The following C1QTNF4 variants were observed in gnomAD, a reference collection of about 807,000 sequenced individuals.
C1QTNF4 encodes the protein C1q and TNF related 4.
A neutral mutation model predicts 14.6 loss-of-function variants in C1QTNF4; 12 were observed. The observed-to-expected ratio is 0.82, with a 90% CI of 0.53 to 1.33. The LOEUF is 1.33. Ranked by LOEUF, C1QTNF4 falls within the 40% of genes most tolerant of loss-of-function variation. The pLI is 0.00. For missense variants in C1QTNF4, 558 were observed against 500.3 expected (o/e 1.12, Z -1.10); for synonymous variants, 278 against 246.6 (o/e 1.13, Z -1.19).
At chr11:47,591,360 AG>A (rs2097275520) in intron 1 of C1QTNF4, among the ~76,000 whole-genome samples, 1 of 142,430 alleles carries the variant, frequency 7.0e-6, no homozygotes, top group Admixed American at 7.2e-5. Context: ...TACAGGCGTG[AG>A]CCATCGCGCC....
intron 1 of C1QTNF4, among the ~76,000 whole-genome samples, chr11:47,592,461 G>A (rs1214445680): frequency 1.3e-5 from 2 of 152,164 alleles, no homozygotes; most frequent in African/African-American, 2.4e-5. Context: ...TGCTTCTGTC[G>A]GTTGCCCTGA....
Position 47,590,303 on chromosome 11 carries a change from G to A in C1QTNF4, c.508C>T (p.Pro170Ser). ...GCCGAGCGCGGCTCGGGGGGCGCGG[G>A]CGGCCCGCGCGCAGGCGCGTCAGCG... is the stretch of plus-strand genomic sequence containing the variant. ...ADADAPARGP[P>S]APPEPRSAFS... Residue 170 changes from proline to serine, a missense_variant, in exon 2 of 2, where the codon CCC (proline) becomes TCC (serine). Transcript: ENST00000302514. 2 of 1,170,540 alleles carry A rather than the reference G, an allele frequency of 1.7e-6. No homozygotes were observed. Among genetic ancestry groups the A allele is most frequent in the East Asian group, 4.4e-5 (1 of 22,586 alleles). 72.5% of individuals were successfully genotyped at this position (1,170,540 alleles called of 1,614,324 possible). A position where few individuals can be genotyped will look rare whatever the true frequency, so the allele number is the denominator to read the frequency against.
intron 1 of C1QTNF4, among the ~76,000 whole-genome samples, chr11:47,592,293 C>A (rs1172829912): frequency 6.6e-6 from 1 of 152,178 alleles, no homozygotes; most frequent in East Asian, 1.9e-4. Flanking sequence ...CCTGGCTCTA[C>A]CACTCACACT....
chr11:47,590,009 C>T lies in C1QTNF4; in HGVS notation c.802G>A (p.Glu268Lys), dbSNP rs767479537. ...AGCATCACGCTCTGGCTCTGCATCTCGCGGCGCCGCGACGCGCCGTCGTCG... is the reference window on the plus strand; with the variant it reads ...AGCATCACGCTCTGGCTCTGCATCTTGCGGCGCCGCGACGCGCCGTCGTCG... ...IYDDGASRRR[E>K]MQSQSVMLAL... Residue 268 changes from glutamate (E) to lysine (K), a missense_variant, in exon 2 of 2, where the codon GAG becomes AAG. Transcript: ENST00000302514. 1.9e-6 allele frequency: 3 copies of T among 1,611,514 alleles called. No individual in the cohort carries two copies. In the Admixed American group the frequency reaches 5.0e-5, roughly 27 times the overall value.
chr11:47,591,509 C>T (rs1420530986), intron 1 of C1QTNF4, among the ~76,000 whole-genome samples: 1 of 151,998 alleles, frequency 6.6e-6, no homozygotes, highest in African/African-American at 2.4e-5. Context: ...CCGCCTCAGC[C>T]TCCCAAGTAG....
chr11:47,594,216 G>GCA lies in C1QTNF4; in HGVS notation c.-75_-74insTG, dbSNP rs1565950095. 6.6e-6 allele frequency: 1 copy of GCA among 152,052 alleles called. No homozygotes were observed. Among genetic ancestry groups the GCA allele is most frequent in the African/African-American group, 2.4e-5 (1 of 41,376 alleles). 9.4% of individuals were successfully genotyped at this position (152,052 alleles called of 1,614,324 possible). On this transcript the variant is annotated 5_prime_UTR_variant, in exon 1 of 2. Coordinates refer to ENST00000302514, the MANE Select transcript of C1QTNF4 (RefSeq NM_031909.3). Reference sequence around the variant, plus strand: ...GATCTGGCTCCGGGCTGCGGGCTGCGGGCTGCAGGCTGCAGGCTGCGGGTG... The same window carrying GCA: ...GATCTGGCTCCGGGCTGCGGGCTGCGCAGGCTGCAGGCTGCAGGCTGCGGGTG...
At position 47,590,712 on chromosome 11, in the gene C1QTNF4, C is replaced by A; in HGVS notation, c.99G>T (p.Ser33=). 6.2e-7 allele frequency: 1 copy of A among 1,610,688 alleles called. No homozygotes were observed. The highest frequency in any genetic ancestry group is 8.5e-7 in the Non-Finnish European group (1 of 1,179,156). ...PGSSELRSAF[S]AARTTPLEGT... is the part of the protein sequence containing the mutation. ...CCTCCAGGGGGGTGGTGCGTGCCGC[C>A]GAGAAGGCCGAGCGCAGCTCAGAGG... Residue 33 remains serine (S), a synonymous_variant, in exon 2 of 2, where the codon TCG becomes TCT. Coordinates refer to ENST00000302514, the MANE Select transcript of C1QTNF4 (RefSeq NM_031909.3).
At position 47,590,816 on chromosome 11, in the gene C1QTNF4, C is replaced by T; in HGVS notation, c.-5-1G>A. 1 of 1,482,998 alleles carries T rather than the reference C, an allele frequency of 6.7e-7. No individual in the cohort carries two copies. Among genetic ancestry groups the T allele is most frequent in the Non-Finnish European group, 8.9e-7 (1 of 1,123,606 alleles). 91.9% of individuals were successfully genotyped at this position (1,482,998 alleles called of 1,614,324 possible). On this transcript the variant is annotated splice_acceptor_variant, in intron 1 of 1. Coordinates refer to ENST00000302514, the MANE Select transcript of C1QTNF4 (RefSeq NM_031909.3). LOFTEE classifies it low-confidence loss of function (5UTR_SPLICE). ...CCCAGCAGAAGCGGCAGCATGGCGC[C>T]TGGGAGGGAGACGGAGGGGCGAGAG... is the stretch of plus-strand genomic sequence containing the variant.
Position 47,590,529 on chromosome 11 carries a change from C to G in C1QTNF4, c.282G>C (p.Leu94=), listed in dbSNP as rs1215856335. Residue 94 remains leucine (L), a synonymous_variant, in exon 2 of 2, where the codon CTG becomes CTC. Transcript: ENST00000302514. ...KAPHKSLSVM[L]VRNRDEVQAL... ...CCTGCACCTCGTCGCGGTTTCGCACCAGCATCACCGACAGGCTCTTGTGCG... is the reference window on the plus strand; with the variant it reads ...CCTGCACCTCGTCGCGGTTTCGCACGAGCATCACCGACAGGCTCTTGTGCG... 2 of 1,594,852 alleles carry G rather than the reference C, an allele frequency of 1.3e-6. No individual in the cohort carries two copies. Among genetic ancestry groups the G allele is most frequent in the Admixed American group, 1.7e-5 (1 of 58,072 alleles).
chr11:47,594,632 GAGCGC>G (rs1200142201), upstream of C1QTNF4: 2 of 153,240 alleles, frequency 1.3e-5, no homozygotes, highest in East Asian at 3.8e-4. Context: ...GGGTGGCCCA[GAGCGC>G]TCTACAGTCC....
chr11:47,591,002 C>T (rs570079115), intron 1 of C1QTNF4, among the ~76,000 whole-genome samples, 187 bp from the exon 2 acceptor site: 1 of 152,314 alleles, frequency 6.6e-6, no homozygotes, highest in Admixed American at 6.5e-5. Flanking sequence ...AGGGCGTGTT[C>T]AAACATACAT....
At chr11:47,590,972 C>T (rs775045276) in intron 1 of C1QTNF4, among the ~76,000 whole-genome samples, 157 bp from the exon 2 acceptor site, 5 of 152,194 alleles carry the variant, frequency 3.3e-5, no homozygotes, top group Non-Finnish European at 4.4e-5. Context: ...CAAACTCTAG[C>T]GAGCCTCACT....
At chr11:47,593,334 G>A (rs1231576278) in intron 1 of C1QTNF4, among the ~76,000 whole-genome samples, 1 of 152,194 alleles carries the variant, frequency 6.6e-6, no homozygotes, top group African/African-American at 2.4e-5. Context: ...CCAGGGTGAG[G>A]AAGACAGAAA....
Position 47,589,732 on chromosome 11 carries a change from G to A in C1QTNF4, c.*89C>T, listed in dbSNP as rs1016195766. On this transcript the variant is annotated 3_prime_UTR_variant, in exon 2 of 2. Coordinates refer to ENST00000302514, the MANE Select transcript of C1QTNF4 (RefSeq NM_031909.3). Reference sequence around the variant, plus strand: ...TGGCAGAGTCCAGGCGCGCCCGGAGGCCGTGGCGCTCGCGCGGGACTTTCG... The same window carrying A: ...TGGCAGAGTCCAGGCGCGCCCGGAGACCGTGGCGCTCGCGCGGGACTTTCG... 2.1e-5 allele frequency: 27 copies of A among 1,272,020 alleles called. No individual in the cohort carries two copies. The highest frequency in any genetic ancestry group is 2.8e-5 in the Non-Finnish European group (27 of 957,808). The allele number at this position is 1,272,020 out of a possible 1,614,324, so 78.8% of individuals were successfully genotyped here. A position where few individuals can be genotyped will look rare whatever the true frequency, so the allele number is the denominator to read the frequency against.
rs1565948641 is a variant in C1QTNF4, at chr11:47,590,658, G to A, written c.153C>T (p.Asp51=). 4 of 1,611,646 alleles carry A rather than the reference G, an allele frequency of 2.5e-6. No homozygotes were observed. Among genetic ancestry groups the A allele is most frequent in the Non-Finnish European group, 3.4e-6 (4 of 1,179,514 alleles). ...CGCCCCCGATGTTCACGTACACCTT[G>A]TCGAAGGTCACCGCCATCTCCGACG... ...EGTSEMAVTF[D]KVYVNIGGDF... is the part of the protein sequence containing the mutation. Residue 51 remains aspartate (D), a synonymous_variant, in exon 2 of 2, where the codon GAC becomes GAT. Coordinates refer to ENST00000302514, the MANE Select transcript of C1QTNF4 (RefSeq NM_031909.3).
chr11:47,592,334 C>T (rs2097276073), intron 1 of C1QTNF4, among the ~76,000 whole-genome samples: 1 of 152,202 alleles, frequency 6.6e-6, no homozygotes, highest in Admixed American at 6.5e-5. Flanking sequence ...CCTAACTTCT[C>T]TGGGCATGGC....
In C1QTNF4 at chr11:47,590,109, C is replaced by T; in HGVS notation, c.702G>A (p.Thr234=). The T allele has an allele frequency of 6.2e-7, 1 of 1,611,854 alleles. No homozygotes were observed. Among genetic ancestry groups the T allele is most frequent in the Non-Finnish European group, 8.5e-7 (1 of 1,179,132 alleles). Residue 234 remains threonine, a synonymous_variant, in exon 2 of 2, where the codon ACG becomes ACA. Transcript: ENST00000302514. ...RLPGAYFFSF[T]LGKLPRKTLS... is the part of the protein sequence containing the mutation. ...GCGTCTTACGCGGCAGCTTGCCCAG[C>T]GTGAAGGAGAAGAAGTAGGCGCCGG...
chr11:47,593,197 CA>C (rs1373755516), intron 1 of C1QTNF4, among the ~76,000 whole-genome samples: 1 of 152,316 alleles, frequency 6.6e-6, no homozygotes, highest in East Asian at 1.9e-4. Context: ...TTTTTTGACT[CA>C]AATTCCGTAT....
In C1QTNF4 at chr11:47,590,441, G is replaced by A; in HGVS notation, c.370C>T (p.Leu124=). Residue 124 remains leucine, a synonymous_variant, in exon 2 of 2, where the codon CTG becomes TTG. Coordinates refer to ENST00000302514, the MANE Select transcript of C1QTNF4 (RefSeq NM_031909.3). ...ACTGTGTCGCCGTAGTCGAGCTGCA[G>A]CATGGCGCTCTGGCTGGCTGCGCGC... ...ARRAASQSAM[L]QLDYGDTVWL... is the part of the protein sequence containing the mutation. The A allele has an allele frequency of 1.3e-6, 2 of 1,514,856 alleles. No homozygotes were observed. Among genetic ancestry groups the A allele is most frequent in the Non-Finnish European group, 8.8e-7 (1 of 1,136,288 alleles). The allele number at this position is 1,514,856 out of a possible 1,614,324, so 93.8% of individuals were successfully genotyped here.
Sources: gnomAD v4.1 joint callset for allele counts (sites outside exome capture counted in the v4.1 genomes callset) on GRCh38, gnomAD v4.1.1 for gene constraint, MANE v1.5 for transcripts, NCBI Gene and HGNC (gene_info 2026-07-23, HGNC 2026-07-21) for gene names.